Variants in U2SURP observed in about 807,000 individuals in gnomAD.
U2SURP encodes the protein U2 snRNP-associated SURP motif-containing protein.
U2SURP carries 9 observed loss-of-function variants against 144.9 expected under a neutral mutation model. That is an observed-to-expected ratio of 0.06 (90% CI 0.04 to 0.11). U2SURP has a LOEUF of 0.11. Ranked by LOEUF, U2SURP falls within the 10% of genes least tolerant of loss-of-function variation. The pLI is 1.00. For synonymous variants in U2SURP, 408 were observed against 396.8 expected (o/e 1.03, Z -0.33); for missense variants, 724 against 1,226.7 (o/e 0.59, Z 6.12).
At position 143,037,278 on chromosome 3, in the gene U2SURP, G is replaced by A. The variant is rs576560027; in HGVS notation, c.2164G>A (p.Asp722Asn). Residue 722 changes from aspartate to asparagine, a missense_variant, in exon 21 of 28, where the codon GAT (aspartate) becomes AAT (asparagine). By Grantham distance (23) the Asp-to-Asn change is conservative. Transcript: ENST00000473835. ...DGIPIDATPIDDLDGVPIKSL... is the reference protein window; with the variant it reads ...DGIPIDATPINDLDGVPIKSL... ...AATTCCTATTGATGCTACTCCCATC[G>A]ATGATCTTGATGGAGTCCCTATAAA... The A allele has an allele frequency of 1.9e-6, 3 of 1,612,280 alleles. No individual in the cohort carries two copies. Among genetic ancestry groups the A allele is most frequent in the South Asian group, 2.2e-5 (2 of 90,786 alleles).
At chr3:143,022,742 A>G in intron 11 of U2SURP, 80 bp downstream of exon 11, 1 of 1,485,216 alleles carries the variant, frequency 6.7e-7, no homozygotes, top group Non-Finnish European at 9.0e-7. Flanking sequence ...ACTAGGAAGG[A>G]TTGGACCTGA....
rs531451068 is a variant in U2SURP, at chr3:143,026,782, C to CA, written c.1275-366dup. 2.1e-3 allele frequency: 323 copies of CA among 155,214 alleles called. 3 individuals are homozygous for CA. Among genetic ancestry groups the CA allele is most frequent in the African/African-American group, 7.3e-3 (305 of 41,548 alleles). The allele number at this position is 155,214 out of a possible 1,614,324, so 9.6% of individuals were successfully genotyped here. ...ATTTCTAGATGGCTGTAATAACATG[C>CA]AGGCTCTAAGTTACTGATTTTATAT... is the stretch of plus-strand genomic sequence containing the variant. On this transcript the variant is annotated intron_variant, in intron 13 of 27. Transcript: ENST00000473835.
rs752822468 is a variant in U2SURP, at chr3:143,037,234, C to T, written c.2120C>T (p.Pro707Leu). 2 of 1,612,670 alleles carry T rather than the reference C, an allele frequency of 1.2e-6. No homozygotes were observed. Among genetic ancestry groups the T allele is most frequent in the East Asian group, 2.2e-5 (1 of 44,856 alleles). The change falls in exon 21 of 28, where the codon CCT becomes CTT. Residue 707 changes from proline to leucine, a missense_variant. Around this residue, in one of 13 missense-constraint regions of U2SURP, gnomAD observed 116 missense variants for 167.9 expected, o/e 0.69. Transcript: ENST00000473835. ...ATCGAGGAAGAGCTTGATGGTGCAC[C>T]TCTGGAAGATGTAGATGGAATTCCT... ...APIEEELDGAPLEDVDGIPID... is the reference protein window; with the variant it reads ...APIEEELDGALLEDVDGIPID...
At position 143,016,920 on chromosome 3, in the gene U2SURP, A is replaced by G. The variant is rs1276766759; in HGVS notation, c.515A>G (p.Asn172Ser). The part of the protein sequence containing the change: ...SRFADQKNPP[N>S]QSSNERPPSL... ...TTTGCAGATCAAAAAAATCCTCCAA[A>G]TCAGTCTTCCAATGAAAGACCACCA... Residue 172 changes from asparagine to serine, a missense_variant, in exon 6 of 28, where the codon AAT (asparagine) becomes AGT (serine). By Grantham distance (46) the Asn-to-Ser change is conservative. Around this residue, in one of 13 missense-constraint regions of U2SURP, gnomAD observed 115 missense variants for 258.1 expected, o/e 0.45. Coordinates refer to ENST00000473835, the MANE Select transcript of U2SURP (RefSeq NM_001080415.2). 1 of 1,595,992 alleles carries G rather than the reference A, an allele frequency of 6.3e-7. No individual in the cohort carries two copies. The highest frequency in any genetic ancestry group is 1.1e-5 in the South Asian group (1 of 87,658).
intron 13 of U2SURP, among the ~76,000 whole-genome samples, chr3:143,024,858 T>C (rs1346763962): frequency 1.3e-5 from 2 of 152,154 alleles, no homozygotes; most frequent in Non-Finnish European, 2.9e-5. Flanking sequence ...CCAATAAATG[T>C]GGTTTTATTA....
In U2SURP at chr3:143,016,218, T is replaced by A. The variant is rs779318624; in HGVS notation, c.322-39T>A. 5.1e-6 allele frequency: 8 copies of A among 1,575,384 alleles called. No homozygotes were observed. The South Asian group carries it at 8.9e-5, about 18-fold the overall frequency. ...TTTAGCCTTGTGTACATTAACAATT[T>A]TTGTATTGTGTAATATTAATATTTT... On this transcript the variant is annotated intron_variant, in intron 4 of 27. Transcript: ENST00000473835.
At chr3:143,048,567 TGAAA>T (rs1934669424) in intron 24 of U2SURP, among the ~76,000 whole-genome samples, 1 of 152,180 alleles carries the variant, frequency 6.6e-6, no homozygotes, top group South Asian at 2.1e-4. Context: ...TAGAGAGCTT[TGAAA>T]GAAGAGAAGG....
At chr3:143,043,645 T>C (rs6805417) in intron 24 of U2SURP, among the ~76,000 whole-genome samples, 102,283 of 151,652 alleles carry the variant, frequency 0.67, 34,683 homozygotes, top group African/African-American at 0.75. Context: ...GTTTTCTCTT[T>C]ATCATTGTAT....
At chr3:143,023,305 G>A in intron 12 of U2SURP, 1 of 419,620 alleles carries the variant, frequency 2.4e-6, no homozygotes, top group Non-Finnish European at 4.2e-6. Context: ...TTTTTCCTTT[G>A]TCCAGTGTTG....
chr3:143,049,968 A>G (rs1393936077), intron 24 of U2SURP, among the ~76,000 whole-genome samples: 1 of 152,190 alleles, frequency 6.6e-6, no homozygotes, highest in Non-Finnish European at 1.5e-5. Flanking sequence ...ATCTCTGGGT[A>G]AAGATGTAGG....
At chr3:143,015,315 T>A (rs959749968) in intron 4 of U2SURP, among the ~76,000 whole-genome samples, 1 of 152,124 alleles carries the variant, frequency 6.6e-6, no homozygotes, top group Non-Finnish European at 1.5e-5. Flanking sequence ...TTATACAAGG[T>A]ACAATTTTTT....
chr3:143,021,245 C>T, intron 8 of U2SURP, 105 bp from the exon 9 acceptor site: 1 of 1,275,906 alleles, frequency 7.8e-7, no homozygotes, highest in Admixed American at 2.3e-5. Context: ...CTTTTTGTCT[C>T]TCAGAAATAC....
At position 143,057,763 on chromosome 3, in the gene U2SURP, A is replaced by G. The variant is rs764594587; in HGVS notation, c.*1313A>G. The G allele has an allele frequency of 2.6e-5, 4 of 151,948 alleles. No individual in the cohort carries two copies. The highest frequency in any genetic ancestry group is 5.9e-5 in the Non-Finnish European group (4 of 67,830). 9.4% of individuals were successfully genotyped at this position (151,948 alleles called of 1,614,324 possible). A position where few individuals can be genotyped will look rare whatever the true frequency, so the allele number is the denominator to read the frequency against. The stretch of plus-strand genomic sequence containing the variant: ...GAGAAAGTAGAAAACTATTCTAACA[A>G]TGGATTATTTTGATTTAGCTTGCTT... On this transcript the variant is annotated 3_prime_UTR_variant, in exon 28 of 28. Coordinates refer to ENST00000473835, the MANE Select transcript of U2SURP (RefSeq NM_001080415.2).
intron 13 of U2SURP, chr3:143,026,897 A>T (rs538803440): frequency 6.4e-5 from 18 of 281,572 alleles, no homozygotes; most frequent in Non-Finnish European, 9.2e-5. Flanking sequence ...ATTAAATATT[A>T]CTATGAGGCT....
At chr3:143,026,167 A>G (rs1933134290) in intron 13 of U2SURP, 1 of 152,110 alleles carries the variant, frequency 6.6e-6, no homozygotes. Context: ...CACCATAATC[A>G]ATGTCCAAAA....
chr3:143,053,946 G>T (rs1935017318), intron 26 of U2SURP, among the ~76,000 whole-genome samples, 152 bp downstream of exon 26: 2 of 152,306 alleles, frequency 1.3e-5, no homozygotes, highest in East Asian at 3.9e-4. Context: ...AAATAGCGGA[G>T]AAATGGGGCA....
intron 24 of U2SURP, among the ~76,000 whole-genome samples, chr3:143,050,545 T>C (rs1234897243): frequency 6.6e-6 from 1 of 152,196 alleles, no homozygotes; most frequent in African/African-American, 2.4e-5. Context: ...GCCACAGCCT[T>C]CCCACCTCCC....
intron 3 of U2SURP, 98 bp from the exon 4 acceptor site, chr3:143,014,213 G>A (rs1366533688): frequency 9.4e-6 from 6 of 637,184 alleles, no homozygotes; most frequent in African/African-American, 3.8e-5. Context: ...AAAAAAAAAC[G>A]GCAGTCTATT....
chr3:143,041,989 C>T (rs896418736), intron 23 of U2SURP, among the ~76,000 whole-genome samples: 4 of 151,886 alleles, frequency 2.6e-5, no homozygotes, highest in African/African-American at 9.7e-5. Context: ...CACACACACA[C>T]ACAACCCAGT....
Sources: allele counts gnomAD v4.1 joint callset (sites outside exome capture counted in the v4.1 genomes callset), GRCh38; gene constraint gnomAD v4.1.1; regional missense constraint gnomAD v4.1.1; transcripts MANE v1.5; gene names NCBI Gene and HGNC (gene_info 2026-07-23, HGNC 2026-07-21).